TGFBR3: variants seen among roughly 807,000 people sequenced by gnomAD.
The protein encoded by TGFBR3 is transforming growth factor beta receptor 3.
TGFBR3 carries 46 observed loss-of-function variants against 87.9 expected under a neutral mutation model. The ratio of observed to expected loss-of-function variants is 0.52; its 90% CI spans 0.41 to 0.67. The LOEUF is 0.67. Among genes scored for constraint, TGFBR3 ranks in the 30% least tolerant of loss-of-function variants. The pLI, the probability that TGFBR3 is intolerant of heterozygous loss-of-function variation, is 0.00. For missense variants in TGFBR3, 866 were observed against 1,041.9 expected (o/e 0.83, Z 2.32); for synonymous variants, 381 against 391.6 (o/e 0.97, Z 0.32).
intron 3 of TGFBR3, among the ~76,000 whole-genome samples, chr1:91,770,126 A>G (rs1674324166): frequency 6.6e-6 from 1 of 152,100 alleles, no homozygotes; most frequent in South Asian, 2.1e-4. Flanking sequence ...TTCCAAAACA[A>G]CCATTTCAAA....
chr1:91,780,574 T>TTC (rs869151412), intron 3 of TGFBR3, among the ~76,000 whole-genome samples: 1 of 146,740 alleles, frequency 6.8e-6, no homozygotes, highest in Non-Finnish European at 1.5e-5. Context: ...TTTTTTTTTT[T>TTC]CTGACATGGA....
chr1:91,696,148 A>G (rs1671429585), intron 15 of TGFBR3, among the ~76,000 whole-genome samples: 1 of 152,252 alleles, frequency 6.6e-6, no homozygotes, highest in African/African-American at 2.4e-5. Context: ...TGGAAAATAA[A>G]GTGAACTTCC....
chr1:91,807,701 G>A (rs1675885626), intron 2 of TGFBR3, among the ~76,000 whole-genome samples: 1 of 152,202 alleles, frequency 6.6e-6, no homozygotes, highest in African/African-American at 2.4e-5. Flanking sequence ...GCCCTCTGAG[G>A]AAGTGGTGCT....
intron 1 of TGFBR3, among the ~76,000 whole-genome samples, chr1:91,873,259 T>C (rs1056000549): frequency 2.7e-5 from 4 of 149,148 alleles, no homozygotes; most frequent in Non-Finnish European, 3.0e-5. Context: ...GGGTAAGCCA[T>C]CACACCTGGC....
chr1:91,838,206 A>G (rs951725603), intron 2 of TGFBR3, among the ~76,000 whole-genome samples: 2 of 152,178 alleles, frequency 1.3e-5, no homozygotes, highest in Admixed American at 1.3e-4. Context: ...CAATTCTGAA[A>G]CTTTTTGTTG....
intron 7 of TGFBR3, among the ~76,000 whole-genome samples, chr1:91,727,018 C>T (rs1228459137): frequency 6.6e-6 from 1 of 152,166 alleles, no homozygotes; most frequent in Admixed American, 6.5e-5. Flanking sequence ...TGGGCTAAGC[C>T]TTGTGCGTAC....
At chr1:91,784,368 T>C (rs991543129) in intron 3 of TGFBR3, among the ~76,000 whole-genome samples, 2 of 152,150 alleles carry the variant, frequency 1.3e-5, no homozygotes, top group South Asian at 4.1e-4. Context: ...ATAACATCCT[T>C]GGTGCCATGC....
intron 2 of TGFBR3, among the ~76,000 whole-genome samples, chr1:91,860,897 A>C (rs1358626513): frequency 1.6e-5 from 2 of 127,392 alleles, no homozygotes; most frequent in African/African-American, 6.1e-5. Context: ...AGGCCATTGC[A>C]CTCCAGCCTG....
intron 3 of TGFBR3, among the ~76,000 whole-genome samples, chr1:91,796,540 C>G (rs17886177): frequency 2.6e-5 from 4 of 152,134 alleles, no homozygotes; most frequent in Non-Finnish European, 4.4e-5. Context: ...TACAAAGTAC[C>G]GCCATCTTTA....
At chr1:91,830,919 C>T (rs1052707606) in intron 2 of TGFBR3, among the ~76,000 whole-genome samples, 1 of 152,136 alleles carries the variant, frequency 6.6e-6, no homozygotes, top group African/African-American at 2.4e-5. Context: ...AGGTGGGAAA[C>T]GGCTCTCACC....
chr1:91,731,230 C>T (rs1672755643), intron 5 of TGFBR3, among the ~76,000 whole-genome samples: 1 of 152,186 alleles, frequency 6.6e-6, no homozygotes, highest in South Asian at 2.1e-4. Flanking sequence ...AGGAATCCAA[C>T]CAGGGGGTCC....
At chr1:91,893,218 A>C (rs1031052403) in intron 2 of TGFBR3, among the ~76,000 whole-genome samples, 1 of 152,178 alleles carries the variant, frequency 6.6e-6, no homozygotes, top group Non-Finnish European at 1.5e-5. Flanking sequence ...TCATAAAATT[A>C]CCTGCTGTAA....
At chr1:91,769,946 T>C (rs548669196) in intron 3 of TGFBR3, among the ~76,000 whole-genome samples, 28 of 152,320 alleles carry the variant, frequency 1.8e-4, no homozygotes, top group Admixed American at 1.6e-3. Flanking sequence ...AGTTGAAGAA[T>C]GATCAAAGTA....
intron 2 of TGFBR3, among the ~76,000 whole-genome samples, chr1:91,807,823 A>T (rs1675890603): frequency 6.6e-6 from 1 of 152,212 alleles, no homozygotes; most frequent in African/African-American, 2.4e-5. Flanking sequence ...GGAAATAGTG[A>T]ACCAGGAGAT....
intron 2 of TGFBR3, among the ~76,000 whole-genome samples, chr1:91,804,983 G>A (rs1675777287): frequency 2.0e-5 from 3 of 152,174 alleles, no homozygotes; most frequent in Admixed American, 2.0e-4. Context: ...GAACACACCT[G>A]AAAGCAACAA....
At chr1:91,795,190 C>T (rs967002489) in intron 3 of TGFBR3, among the ~76,000 whole-genome samples, 47 of 152,220 alleles carry the variant, frequency 3.1e-4, no homozygotes, top group Admixed American at 2.9e-3. Context: ...TGTTTTCAAA[C>T]AGTATTGAAC....
intron 3 of TGFBR3, among the ~76,000 whole-genome samples, chr1:91,788,772 C>CT (rs991163337): frequency 1.3e-5 from 2 of 152,136 alleles, no homozygotes; most frequent in East Asian, 3.9e-4. Context: ...GGGTCTATTG[C>CT]TTTTTTTTAA....
chr1:91,749,524 T>A (rs1397589777), intron 4 of TGFBR3, among the ~76,000 whole-genome samples: 2 of 152,182 alleles, frequency 1.3e-5, no homozygotes, highest in African/African-American at 4.8e-5. Context: ...GACTCCTTCC[T>A]CCCCTGCGAA....
intron 2 of TGFBR3, among the ~76,000 whole-genome samples, chr1:91,836,275 T>A (rs1042691476): frequency 3.1e-4 from 47 of 152,076 alleles, no homozygotes; most frequent in African/African-American, 5.3e-4. Context: ...AAATAAATTT[T>A]AAAAAAAATT....
Sources: gnomAD v4.1 joint callset for allele counts (sites outside exome capture counted in the v4.1 genomes callset) on GRCh38, gnomAD v4.1.1 for gene constraint, MANE v1.5 for transcripts, NCBI Gene and HGNC (gene_info 2026-07-23, HGNC 2026-07-21) for gene names.